ERGIC3: variants seen among roughly 807,000 people sequenced by gnomAD.
ERGIC3 encodes the protein ERGIC and golgi 3, also known as endoplasmic reticulum-Golgi intermediate compartment protein 3.
Under a neutral mutation model 54.7 loss-of-function variants are expected in ERGIC3, and 33 were observed. The observed-to-expected ratio is 0.60, with a 90% CI of 0.46 to 0.81. ERGIC3 has a LOEUF of 0.81. ERGIC3 is among the 30% of genes least tolerant of loss of function. The probability of loss-of-function intolerance (pLI) is 0.00; values close to 1 mark genes in which losing one functional copy is unlikely to be tolerated. For synonymous variants in ERGIC3, 186 were observed against 189.8 expected, an observed-to-expected ratio of 0.98 and a Z score of 0.16; for missense variants, 399 against 488.4, an observed-to-expected ratio of 0.82 and a Z score of 1.73.
chr20:35,542,703 A>G (rs2064622125), intron 3 of ERGIC3, 103 bp downstream of exon 3: 7 of 1,600,604 alleles, frequency 4.4e-6, no homozygotes, highest in African/African-American at 1.3e-5. Flanking sequence ...CCCCAGGACA[A>G]CCTCCTTCTC....
intron 7 of ERGIC3, among the ~76,000 whole-genome samples, chr20:35,554,541 G>C (rs1431222656): frequency 2.6e-5 from 4 of 152,172 alleles, no homozygotes; most frequent in Non-Finnish European, 1.5e-5. Context: ...TTTGAAGTAT[G>C]GTTCCTTGCA....
At chr20:35,550,321 A>G (rs906751247) in intron 7 of ERGIC3, among the ~76,000 whole-genome samples, 8 of 152,194 alleles carry the variant, frequency 5.3e-5, no homozygotes, top group South Asian at 2.1e-4. Context: ...ATGCTTAGAA[A>G]TGAAGTGAGA....
intron 5 of ERGIC3, 100 bp downstream of exon 5, chr20:35,547,605 G>C: frequency 9.5e-7 from 1 of 1,054,078 alleles, no homozygotes; most frequent in South Asian, 1.3e-5. Flanking sequence ...GTCAGACCAA[G>C]AATCTAGAGT....
At chr20:35,553,751 G>A (rs1404943689) in intron 7 of ERGIC3, among the ~76,000 whole-genome samples, 1 of 152,204 alleles carries the variant, frequency 6.6e-6, no homozygotes, top group East Asian at 1.9e-4. Flanking sequence ...GGGTCTTGCT[G>A]GGAGGGCAGG....
Position 35,542,889 on chromosome 20 carries a change from G to T in ERGIC3, c.315G>T (p.Lys105Asn). The T allele has an allele frequency of 6.2e-7, 1 of 1,614,154 alleles. No individual in the cohort carries two copies. Among genetic ancestry groups the T allele is most frequent in the Non-Finnish European group, 8.5e-7 (1 of 1,180,026 alleles). ...QQLDVEHNLF[K>N]QRLDKDGIPV... ...TGGATGTGGAACACAACCTGTTCAAGCAACGACTAGATAAAGATGGCATCC... is the reference window on the plus strand; with the variant it reads ...TGGATGTGGAACACAACCTGTTCAATCAACGACTAGATAAAGATGGCATCC... The change falls in exon 4 of 13, where the codon AAG (lysine) becomes AAT (asparagine). Residue 105 changes from lysine to asparagine, a missense_variant. Physicochemically the swap from Lys to Asn is moderately conservative, Grantham distance 94. Transcript: ENST00000348547.
chr20:35,544,051 TATCTATC>T (rs2064633584), intron 4 of ERGIC3: 1 of 223,800 alleles, frequency 4.5e-6, no homozygotes, highest in African/African-American at 2.3e-5. Context: ...TCTATCTATC[TATCTATC>T]TATCTGTCTA....
intron 12 of ERGIC3, 61 bp from the exon 13 acceptor site, chr20:35,557,364 C>G: frequency 6.2e-7 from 1 of 1,607,794 alleles, no homozygotes. Context: ...AGTGACAAGG[C>G]TCTCAGCGTC....
chr20:35,548,964 A>G (rs566277174), intron 7 of ERGIC3, 99 bp downstream of exon 7: 37 of 1,455,868 alleles, frequency 2.5e-5, no homozygotes, highest in African/African-American at 1.8e-4. Context: ...GTCTTGGGCA[A>G]CCATTTGGCC....
intron 4 of ERGIC3, chr20:35,544,489 G>T: frequency 3.4e-6 from 1 of 290,798 alleles, no homozygotes; most frequent in Non-Finnish European, 6.9e-6. Flanking sequence ...AGCTCCTCCT[G>T]CCTCCTCTTA....
At chr20:35,542,236 A>C (rs757663753) in intron 1 of ERGIC3, 51 bp downstream of exon 1, 19 of 1,606,796 alleles carry the variant, frequency 1.2e-5, no homozygotes, top group Admixed American at 1.7e-5. Flanking sequence ...CCTAGAGCTT[A>C]GCCCGGGCTC....
chr20:35,548,262 A>C (rs761073384), intron 5 of ERGIC3, among the ~76,000 whole-genome samples: 13 of 152,114 alleles, frequency 8.5e-5, no homozygotes, highest in Non-Finnish European at 1.6e-4. Context: ...GAATCACTTG[A>C]GCTCAGGAGT....
At chr20:35,555,589 A>G (rs1239747182) in intron 8 of ERGIC3, among the ~76,000 whole-genome samples, 1 of 152,140 alleles carries the variant, frequency 6.6e-6, no homozygotes, top group African/African-American at 2.4e-5. Context: ...CCTCCAGCCT[A>G]GGCCTCCAGG....
rs1267633031 is a variant in ERGIC3, at chr20:35,557,216, G to T, written c.1039G>T (p.Gly347Cys). The part of the protein sequence containing the change: ...KHRSFTHFLT[G>C]VCAIIGGMFT... ...CAGGTCCTTCACCCACTTCCTGACA[G>T]GTGTGTGCGCCATCATTGGGGGCAT... is the stretch of plus-strand genomic sequence containing the variant. The change falls in exon 12 of 13, where the codon GGT becomes TGT. Residue 347 changes from glycine (G) to cysteine (C), a missense_variant. By Grantham distance (159) the Gly-to-Cys change is radical (BLOSUM62 -3). Coordinates refer to ENST00000348547, the MANE Select transcript of ERGIC3 (RefSeq NM_015966.3). 6.2e-7 allele frequency: 1 copy of T among 1,614,080 alleles called. No individual in the cohort carries two copies. Among genetic ancestry groups the T allele is most frequent in the Non-Finnish European group, 8.5e-7 (1 of 1,180,040 alleles).
chr20:35,550,398 C>A (rs1011135970), intron 7 of ERGIC3, among the ~76,000 whole-genome samples: 3 of 151,900 alleles, frequency 2.0e-5, no homozygotes, highest in African/African-American at 7.2e-5. Context: ...GGTGGATCAC[C>A]TGAGGTCAGG....
At chr20:35,545,235 T>A (rs549188553) in intron 4 of ERGIC3, 3 of 152,342 alleles carry the variant, frequency 2.0e-5, no homozygotes, top group Admixed American at 6.5e-5. Flanking sequence ...ACTTGGATCT[T>A]GCAAGTGAGC....
At position 35,556,018 on chromosome 20, in the gene ERGIC3, T is replaced by C. The variant is rs759214222; in HGVS notation, c.718-15T>C. On this transcript the variant is annotated splice_polypyrimidine_tract_variant and intron_variant, in intron 8 of 12. Coordinates refer to ENST00000348547, the MANE Select transcript of ERGIC3 (RefSeq NM_015966.3). ...ATCAGAGCTTTGGATGAGCTCTGGATGGTGTTGTTTACAGATCAACATGAC... is the reference window on the plus strand; with the variant it reads ...ATCAGAGCTTTGGATGAGCTCTGGACGGTGTTGTTTACAGATCAACATGAC... 6.2e-7 allele frequency: 1 copy of C among 1,612,910 alleles called. No homozygotes were observed.
At position 35,544,656 on chromosome 20, in the gene ERGIC3, G is replaced by A. The variant is rs1038620753; in HGVS notation, c.367+1715G>A. 122 of 197,338 alleles carry A rather than the reference G, an allele frequency of 6.2e-4. 1 individual carries two copies. The highest frequency in any genetic ancestry group is 2.8e-3 in the African/African-American group (116 of 42,000). 12.2% of individuals were successfully genotyped at this position (197,338 alleles called of 1,614,324 possible). On this transcript the variant is annotated intron_variant, in intron 4 of 12. Transcript: ENST00000348547. Reference sequence around the variant, plus strand: ...GAATTTGGTGTTTGGTCAGGCGCCCGCGGCGGCAGCTGTGCCTGGGCTTGC... The same window carrying A: ...GAATTTGGTGTTTGGTCAGGCGCCCACGGCGGCAGCTGTGCCTGGGCTTGC...
chr20:35,555,116 G>A lies in ERGIC3; in HGVS notation c.717+41G>A, dbSNP rs554514260. On this transcript the variant is annotated intron_variant, in intron 8 of 12. Coordinates refer to ENST00000348547, the MANE Select transcript of ERGIC3 (RefSeq NM_015966.3). ...AAACCATGGAGGGCAGGTGGGGGTG[G>A]GAGGCTTGGTTGCTGCCTTCATTTC... 10 of 1,608,734 alleles carry A rather than the reference G, an allele frequency of 6.2e-6. No homozygotes were observed. In the African/African-American group the frequency reaches 9.3e-5, roughly 15 times the overall value.
chr20:35,548,700 AG>A lies in ERGIC3; in HGVS notation c.627+29del, dbSNP rs1307980184. 3 of 1,614,222 alleles carry A rather than the reference AG, an allele frequency of 1.9e-6. 1 individual carries two copies. The South Asian group carries it at 3.3e-5, about 18-fold the overall frequency. On this transcript the variant is annotated intron_variant, in intron 6 of 12. Transcript: ENST00000348547. ...GTATCAGGAGGGATCAAGACAAGAT[AG>A]GGCCAGCTGGGCTGGGCAAGCTCCA...
Sources: gnomAD v4.1 joint callset for allele counts (sites outside exome capture counted in the v4.1 genomes callset) on GRCh38, gnomAD v4.1.1 for gene constraint, MANE v1.5 for transcripts, NCBI Gene and HGNC (gene_info 2026-07-23, HGNC 2026-07-21) for gene names.